NPAS3: variants seen among roughly 807,000 people sequenced by gnomAD.
NPAS3 encodes the protein neuronal PAS domain protein 3.
Under a neutral mutation model 73.1 loss-of-function variants are expected in NPAS3, and 14 were observed. The ratio of observed to expected loss-of-function variants is 0.19; its 90% CI spans 0.13 to 0.30. The LOEUF (loss-of-function observed/expected upper bound fraction) is 0.30, where lower values mean the gene tolerates loss of function less well. Among genes scored for constraint, NPAS3 ranks in the 10% least tolerant of loss-of-function variants. The pLI, the probability that NPAS3 is intolerant of heterozygous loss-of-function variation, is 1.00. For synonymous variants in NPAS3, 620 were observed against 541.5 expected (o/e 1.14, Z -2.01); for missense variants, 1,096 against 1,250.0 (o/e 0.88, Z 1.86).
At chr14:33,064,605 C>G (rs535681799) in intron 2 of NPAS3, among the ~76,000 whole-genome samples, 1 of 152,152 alleles carries the variant, frequency 6.6e-6, no homozygotes, top group South Asian at 2.1e-4. Context: ...GGGGAGTAGT[C>G]GTAGATTAGT....
At chr14:33,329,436 C>A (rs1037740889) in intron 3 of NPAS3, among the ~76,000 whole-genome samples, 1 of 152,158 alleles carries the variant, frequency 6.6e-6, no homozygotes, top group Non-Finnish European at 1.5e-5. Context: ...GAAAGCCTCT[C>A]TGGGTTGGCG....
At chr14:33,670,263 G>C (rs190838024) in intron 5 of NPAS3, among the ~76,000 whole-genome samples, 1 of 152,158 alleles carries the variant, frequency 6.6e-6, no homozygotes, top group Admixed American at 6.5e-5. Context: ...GAGCGGATTC[G>C]TGTTCTTATT....
intron 2 of NPAS3, among the ~76,000 whole-genome samples, chr14:33,201,300 G>GGTGTGTGTGTGTGT (rs34700439): frequency 6.6e-6 from 1 of 150,922 alleles, no homozygotes; most frequent in Non-Finnish European, 1.5e-5. Flanking sequence ...CCCTAACAAT[G>GGTGTGTGTGTGTGT]GTGTGTGTGT....
chr14:33,246,496 C>CG (rs1374606384), intron 3 of NPAS3, among the ~76,000 whole-genome samples: 3 of 144,102 alleles, frequency 2.1e-5, no homozygotes, highest in African/African-American at 5.2e-5. Context: ...GCCGAGATCG[C>CG]GCCACTGCAC....
chr14:33,044,426 A>AT (rs932906911), intron 1 of NPAS3, among the ~76,000 whole-genome samples: 6 of 151,234 alleles, frequency 4.0e-5, no homozygotes, highest in African/African-American at 9.7e-5. Flanking sequence ...AAACCTGAAC[A>AT]TTTTTTTTTC....
chr14:32,938,525 A>AGAGAGAGAGAGAGAGAGAGAGAGG (rs1566779564), upstream of NPAS3, among the ~76,000 whole-genome samples: 4 of 66,244 alleles, frequency 6.0e-5, no homozygotes, highest in Admixed American at 1.7e-4. Flanking sequence ...GAGAGAGAGA[A>AGAGAGAGAGAGAGAGAGAGAGAGG]GGGGGGGGAG....
Position 33,738,464 on chromosome 14 carries a change from C to T in NPAS3, c.852+3132C>T, listed in dbSNP as rs911365554. ...ACCGTATCCCACTGCACTAGTGTAT[C>T]GGTGCTTGGTGATCCCAATGCCCCC... On this transcript the variant is annotated intron_variant, in intron 7 of 11. Coordinates refer to ENST00000356141, the Ensembl canonical transcript of NPAS3. Among the ~76,000 whole-genome samples, 10 of 152,278 alleles carry T rather than the reference C, an allele frequency of 6.6e-5. No homozygotes were observed. In the South Asian group the frequency reaches 1.0e-3, roughly 16 times the overall value.
intron 1 of NPAS3, among the ~76,000 whole-genome samples, chr14:32,945,388 G>A (rs2036209520): frequency 6.6e-6 from 1 of 152,046 alleles, no homozygotes; most frequent in Non-Finnish European, 1.5e-5. Context: ...TATAAACATT[G>A]GACACTGCCA....
chr14:33,682,887 T>C (rs2059978459), intron 6 of NPAS3, among the ~76,000 whole-genome samples: 1 of 152,128 alleles, frequency 6.6e-6, no homozygotes, highest in African/African-American at 2.4e-5. Flanking sequence ...GCTCCACCCT[T>C]CTAGGCCAGC....
intron 6 of NPAS3, among the ~76,000 whole-genome samples, chr14:33,733,432 G>A (rs2061448332): frequency 6.6e-6 from 1 of 152,080 alleles, no homozygotes; most frequent in African/African-American, 2.4e-5. Context: ...CTGACTGACA[G>A]TTCTGATCTA....
chr14:33,397,898 A>G (rs1286704729), intron 4 of NPAS3, among the ~76,000 whole-genome samples: 1 of 152,136 alleles, frequency 6.6e-6, no homozygotes, highest in Non-Finnish European at 1.5e-5. Flanking sequence ...CACAGATCAG[A>G]AATAGACACA....
intron 4 of NPAS3, among the ~76,000 whole-genome samples, chr14:33,432,713 C>A (rs1296452784): frequency 6.6e-6 from 1 of 152,086 alleles, no homozygotes; most frequent in Non-Finnish European, 1.5e-5. Flanking sequence ...TCTATCGTTG[C>A]AAATTGAATG....
chr14:33,056,303 GAA>G lies in NPAS3; in HGVS notation c.140+312_140+313del, dbSNP rs374977032. On this transcript the variant is annotated intron_variant, in intron 2 of 11. Transcript: ENST00000356141. Reference sequence around the variant, plus strand: ...GCAATAAACAAGTACTTATATGCAAGAAAATCTCGGCAAAATACATTGCACAG... The same window carrying G: ...GCAATAAACAAGTACTTATATGCAAGAATCTCGGCAAAATACATTGCACAG... Among the ~76,000 whole-genome samples the G allele has an allele frequency of 3.9e-4, 59 of 152,210 alleles. 2 individuals carry two copies. In the East Asian group the frequency reaches 0.011, roughly 28 times the overall value.
chr14:33,243,705 T>C (rs2048284536), intron 3 of NPAS3, among the ~76,000 whole-genome samples: 1 of 151,918 alleles, frequency 6.6e-6, no homozygotes, highest in Non-Finnish European at 1.5e-5. Context: ...AGATGCTACC[T>C]TTGGCATTGG....
intron 6 of NPAS3, among the ~76,000 whole-genome samples, chr14:33,695,489 C>G (rs2060351616): frequency 6.6e-6 from 1 of 152,138 alleles, no homozygotes; most frequent in Non-Finnish European, 1.5e-5. Flanking sequence ...ATTGAAAAAT[C>G]AAAATCAGAC....
chr14:33,723,992 G>C (rs184950343), intron 6 of NPAS3, among the ~76,000 whole-genome samples: 6 of 152,056 alleles, frequency 3.9e-5, no homozygotes, highest in African/African-American at 7.2e-5. Context: ...CGCGTAGCAC[G>C]ATCAAACCTT....
At chr14:33,466,272 A>T (rs905850752) in intron 4 of NPAS3, among the ~76,000 whole-genome samples, 1 of 152,220 alleles carries the variant, frequency 6.6e-6, no homozygotes, top group Non-Finnish European at 1.5e-5. Flanking sequence ...ATTCTGCTGG[A>T]GACCCCTGTC....
intron 4 of NPAS3, among the ~76,000 whole-genome samples, chr14:33,508,399 AG>A (rs1265805980): frequency 2.0e-5 from 3 of 152,030 alleles, no homozygotes; most frequent in South Asian, 2.1e-4. Context: ...AAGGGGGCTT[AG>A]GGGGATACTA....
intron 6 of NPAS3, among the ~76,000 whole-genome samples, chr14:33,701,016 C>T (rs61973004): frequency 0.082 from 12,457 of 152,142 alleles, 707 homozygotes; most frequent in Non-Finnish European, 0.12. Flanking sequence ...AGGAGAAGCA[C>T]GCATGTGAAC....
Sources: gnomAD v4.1 joint callset for allele counts (sites outside exome capture counted in the v4.1 genomes callset) on GRCh38, gnomAD v4.1.1 for gene constraint, MANE v1.5 for transcripts, NCBI Gene and HGNC (gene_info 2026-07-23, HGNC 2026-07-21) for gene names.